Variants in ATP6V0D2 observed in about 807,000 individuals in gnomAD.
The protein encoded by ATP6V0D2 is ATPase H+ transporting V0 subunit d2, also known as V-type proton ATPase subunit d 2.
Under a neutral mutation model 40.0 loss-of-function variants are expected in ATP6V0D2, and 40 were observed. The observed-to-expected ratio is 1.00, with a 90% confidence interval of 0.78 to 1.30. The LOEUF (loss-of-function observed/expected upper bound fraction) is 1.30. ATP6V0D2 is among the 50% of genes most tolerant of loss of function. The pLI, the probability that ATP6V0D2 is intolerant of heterozygous loss-of-function variation, is 0.00. For synonymous variants in ATP6V0D2, 179 were observed against 156.3 expected (o/e 1.15, Z -1.08); for missense variants, 470 against 423.1 (o/e 1.11, Z -0.97).
intron 2 of ATP6V0D2, among the ~76,000 whole-genome samples, chr8:86,133,768 C>T (rs1399319255): frequency 2.0e-5 from 3 of 152,066 alleles, no homozygotes; most frequent in Admixed American, 1.3e-4. Flanking sequence ...GAGGGCTGAG[C>T]GGGAAGCTGG....
chr8:86,142,984 C>T, intron 5 of ATP6V0D2, 30 bp downstream of exon 5: 1 of 1,458,854 alleles, frequency 6.9e-7, no homozygotes, highest in South Asian at 1.2e-5. Context: ...TTTTGTTATG[C>T]TAAATAAGGT....
chr8:86,131,983 C>T (rs1818831533), intron 2 of ATP6V0D2, among the ~76,000 whole-genome samples: 1 of 152,042 alleles, frequency 6.6e-6, no homozygotes, highest in South Asian at 2.1e-4. Flanking sequence ...ATAAGATGAC[C>T]ACTTTCCAGA....
chr8:86,113,239 G>C (rs1818548170), intron 1 of ATP6V0D2, among the ~76,000 whole-genome samples: 1 of 152,006 alleles, frequency 6.6e-6, no homozygotes, highest in African/African-American at 2.4e-5. Flanking sequence ...AGCACTTTGG[G>C]AGCCTGAGGT....
At chr8:86,099,947 T>C (rs1180669584) in intron 1 of ATP6V0D2, among the ~76,000 whole-genome samples, 1 of 152,158 alleles carries the variant, frequency 6.6e-6, no homozygotes, top group Admixed American at 6.5e-5. Context: ...AAAAAATATA[T>C]ATATTTAAAA....
intron 5 of ATP6V0D2, among the ~76,000 whole-genome samples, chr8:86,146,578 C>T (rs895361957): frequency 2.0e-5 from 3 of 152,118 alleles, no homozygotes; most frequent in African/African-American, 7.2e-5. Flanking sequence ...CACCTATAGT[C>T]CTGGCTACTC....
chr8:86,103,894 C>T (rs1256768783), intron 1 of ATP6V0D2, among the ~76,000 whole-genome samples: 1 of 151,988 alleles, frequency 6.6e-6, no homozygotes, highest in Non-Finnish European at 1.5e-5. Context: ...GGCACAATCT[C>T]GGCTCACTGC....
intron 2 of ATP6V0D2, among the ~76,000 whole-genome samples, chr8:86,122,355 A>G (rs1818681726): frequency 6.6e-6 from 1 of 152,206 alleles, no homozygotes; most frequent in Non-Finnish European, 1.5e-5. Context: ...CACTGAAGAA[A>G]TCTTTAAAGA....
Position 86,099,044 on chromosome 8 carries a change from A to G in ATP6V0D2, c.66A>G (p.Gly22=). 2 of 1,613,892 alleles carry G rather than the reference A, an allele frequency of 1.2e-6. No individual in the cohort carries two copies. Among genetic ancestry groups the G allele is most frequent in the Non-Finnish European group, 1.7e-6 (2 of 1,179,958 alleles). The change falls in exon 1 of 8, where the codon GGA becomes GGG. Residue 22 remains glycine (G), a synonymous_variant. Transcript: ENST00000285393. ...GCTACCTGGAGGGCCTGGTTCGAGG[A>G]TGCAAGGCCAGCCTCCTGACCCAGC... ...DHGYLEGLVR[G]CKASLLTQQD...
At chr8:86,115,164 TAA>T (rs1465241089) in intron 2 of ATP6V0D2, among the ~76,000 whole-genome samples, 3 of 151,882 alleles carry the variant, frequency 2.0e-5, no homozygotes, top group African/African-American at 7.3e-5. Context: ...GAAAATATAA[TAA>T]GAGAAAGCCT....
chr8:86,121,329 G>A (rs952246587), intron 2 of ATP6V0D2, among the ~76,000 whole-genome samples: 4 of 152,178 alleles, frequency 2.6e-5, no homozygotes, highest in Admixed American at 6.5e-5. Flanking sequence ...CAGTACTTTG[G>A]GAGGCCGAGG....
intron 1 of ATP6V0D2, among the ~76,000 whole-genome samples, chr8:86,100,002 T>C (rs1032041991): frequency 1.3e-5 from 2 of 151,742 alleles, no homozygotes; most frequent in African/African-American, 4.9e-5. Flanking sequence ...TCAGTATCTA[T>C]TGATTTGAGA....
chr8:86,099,774 G>GT (rs2130218779), intron 1 of ATP6V0D2, among the ~76,000 whole-genome samples: 2 of 152,246 alleles, frequency 1.3e-5, no homozygotes, highest in African/African-American at 4.8e-5. Flanking sequence ...AATTACAGGC[G>GT]TAAGCCATCA....
At chr8:86,120,912 A>T (rs182627192) in intron 2 of ATP6V0D2, among the ~76,000 whole-genome samples, 6 of 152,154 alleles carry the variant, frequency 3.9e-5, no homozygotes, top group Admixed American at 3.3e-4. Flanking sequence ...GTCTTCAAAA[A>T]CCACTCATAT....
chr8:86,116,571 A>G (rs1818593931), intron 2 of ATP6V0D2, among the ~76,000 whole-genome samples: 2 of 152,174 alleles, frequency 1.3e-5, no homozygotes, highest in Admixed American at 6.5e-5. Context: ...TTTACCAATC[A>G]TTTATTGACA....
chr8:86,142,651 TAA>T (rs140345460), intron 4 of ATP6V0D2, among the ~76,000 whole-genome samples: 2,378 of 152,328 alleles, frequency 0.016, 63 homozygotes, highest in African/African-American at 0.054. Context: ...TAAGTAATTA[TAA>T]GTTATGATAA....
At position 86,113,760 on chromosome 8, in the gene ATP6V0D2, A is replaced by T. The variant is rs1474992306; in HGVS notation, c.182A>T (p.His61Leu). ...TTDYGNFLANHTNPLTVSKID... is the reference protein window; with the variant it reads ...TTDYGNFLANLTNPLTVSKID... ...GATTATGGTAACTTTTTGGCTAATC[A>T]CACAAATCCTCTTACTGTTTCCAAA... The change falls in exon 2 of 8, where the codon CAC becomes CTC. Residue 61 changes from histidine to leucine, a missense_variant. His to Leu is a moderately conservative substitution (Grantham distance 99). Coordinates refer to ENST00000285393, the MANE Select transcript of ATP6V0D2 (RefSeq NM_152565.1). The T allele has an allele frequency of 6.2e-7, 1 of 1,612,878 alleles. No individual in the cohort carries two copies. The highest frequency in any genetic ancestry group is 1.7e-5 in the Admixed American group (1 of 59,856).
chr8:86,138,076 C>CGG (rs930049756), intron 2 of ATP6V0D2, among the ~76,000 whole-genome samples: 2 of 152,130 alleles, frequency 1.3e-5, no homozygotes, highest in Non-Finnish European at 2.9e-5. Flanking sequence ...TCTTGTCTTT[C>CGG]GGGGCCCAAC....
In ATP6V0D2 at chr8:86,152,975, T is replaced by A; in HGVS notation, c.1051T>A (p.Ter351LysextTer3). 2 of 1,592,326 alleles carry A rather than the reference T, an allele frequency of 1.3e-6. No homozygotes were observed. Among genetic ancestry groups the A allele is most frequent in the Non-Finnish European group, 1.7e-6 (2 of 1,172,746 alleles). Residue 351 changes from the stop codon to lysine, a stop_lost, in exon 8 of 8, where the codon TAA becomes AAA. Transcript: ENST00000285393. ...AATCAACAGTTACATTCCAATTTTA[T>A]AACCCAAGTAAGGTTCTCAAATGTA... ...TKINSYIPIL[*>K]
At chr8:86,151,941 A>G (rs1027796724) in intron 7 of ATP6V0D2, among the ~76,000 whole-genome samples, 6 of 151,878 alleles carry the variant, frequency 4.0e-5, no homozygotes, top group Non-Finnish European at 7.4e-5. Flanking sequence ...AAATTGTGTT[A>G]TACTTTAAGT....
Sources: gnomAD v4.1 joint callset for allele counts (sites outside exome capture counted in the v4.1 genomes callset) on GRCh38, gnomAD v4.1.1 for gene constraint, MANE v1.5 for transcripts, NCBI Gene and HGNC (gene_info 2026-07-23, HGNC 2026-07-21) for gene names.